The following PCCA variants were observed in gnomAD, a reference collection of about 807,000 sequenced individuals.
PCCA encodes the protein propionyl-CoA carboxylase subunit alpha, also known as propionyl-CoA carboxylase alpha chain, mitochondrial.
In PCCA, 74 loss-of-function variants were observed where a neutral mutation model predicts 101.3. The observed-to-expected ratio is 0.73, with a 90% CI of 0.61 to 0.89. The LOEUF (loss-of-function observed/expected upper bound fraction) is 0.89, where lower values mean the gene tolerates loss of function less well. Ranked by LOEUF, PCCA falls within the 40% of genes least tolerant of loss-of-function variation. PCCA has a pLI of 0.00. For synonymous variants in PCCA, 294 were observed against 313.6 expected, an observed-to-expected ratio of 0.94 and a Z score of 0.66; for missense variants, 891 against 907.0, an observed-to-expected ratio of 0.98 and a Z score of 0.23.
chr13:100,505,662 C>T (rs570279662), intron 21 of PCCA, among the ~76,000 whole-genome samples: 1 of 152,300 alleles, frequency 6.6e-6, no homozygotes, highest in African/African-American at 2.4e-5. Context: ...CCCAGGAGTT[C>T]AAGACCAGCC....
intron 18 of PCCA, among the ~76,000 whole-genome samples, chr13:100,368,205 A>G (rs1567016145): frequency 6.6e-6 from 1 of 151,466 alleles, no homozygotes; most frequent in Admixed American, 6.6e-5. Flanking sequence ...TTTCATTGTA[A>G]TTTTTTTTTA....
At chr13:100,328,515 TAC>T (rs1478122257) in intron 16 of PCCA, among the ~76,000 whole-genome samples, 1 of 151,146 alleles carries the variant, frequency 6.6e-6, no homozygotes, top group African/African-American at 2.4e-5. Flanking sequence ...TTTGATGAAG[TAC>T]AGTTTGTCAA....
rs548985450 is a variant in PCCA, at chr13:100,239,310, C to T, written c.637+3432C>T. On this transcript the variant is annotated intron_variant, in intron 8 of 23. Coordinates refer to ENST00000376285, the MANE Select transcript of PCCA (RefSeq NM_000282.4). ...GGTTTAAATTTAGGTTTATTTGACT[C>T]CAAAGACCACAGACTTTTTATTATA... Among the ~76,000 whole-genome samples, 7 of 152,056 alleles carry T rather than the reference C, an allele frequency of 4.6e-5. No homozygotes were observed. In the South Asian group the frequency reaches 1.0e-3, roughly 23 times the overall value.
Position 100,195,914 on chromosome 13 carries a change from C to A in PCCA, c.469-13418C>A, listed in dbSNP as rs182881531. On this transcript the variant is annotated intron_variant, in intron 6 of 23. Coordinates refer to ENST00000376285, the MANE Select transcript of PCCA (RefSeq NM_000282.4). The stretch of plus-strand genomic sequence containing the variant: ...TGAGGCTTACCCACCCAGGCTCTTT[C>A]TTCTTTACAATCAATGAGACTCTGG... 1.4e-4 allele frequency among the ~76,000 whole-genome samples: 21 copies of A among 152,220 alleles called. No homozygotes were observed. In the East Asian group the frequency reaches 3.5e-3, roughly 25 times the overall value.
intron 1 of PCCA, among the ~76,000 whole-genome samples, chr13:100,096,023 T>C (rs2152222819): frequency 6.6e-6 from 1 of 152,286 alleles, no homozygotes; most frequent in South Asian, 2.1e-4. Context: ...GCACTGGAGT[T>C]GCTGAGAACT....
chr13:100,318,773 A>G (rs959146363), intron 16 of PCCA, among the ~76,000 whole-genome samples: 19 of 152,112 alleles, frequency 1.2e-4, no homozygotes, highest in Non-Finnish European at 2.1e-4. Flanking sequence ...GCTATTGTGA[A>G]TAGTGCTGCA....
chr13:100,408,155 C>T (rs2077803217), intron 19 of PCCA, among the ~76,000 whole-genome samples: 1 of 152,142 alleles, frequency 6.6e-6, no homozygotes, highest in East Asian at 1.9e-4. Flanking sequence ...CCGTCTTAAA[C>T]AAACAAACAA....
In PCCA at chr13:100,240,440, T is replaced by G. The variant is rs557294792; in HGVS notation, c.637+4562T>G. ...GACCTAGCAGACTCTTGCTGATATCTTCACAAAAATAGCTCCTTGCAGTCT... is the reference window on the plus strand; with the variant it reads ...GACCTAGCAGACTCTTGCTGATATCGTCACAAAAATAGCTCCTTGCAGTCT... On this transcript the variant is annotated intron_variant, in intron 8 of 23. Transcript: ENST00000376285. Among the ~76,000 whole-genome samples, 36 of 152,136 alleles carry G rather than the reference T, an allele frequency of 2.4e-4. No individual in the cohort carries two copies. In the South Asian group the frequency reaches 7.3e-3, roughly 31 times the overall value.
At chr13:100,389,838 G>A (rs763770301) in intron 19 of PCCA, among the ~76,000 whole-genome samples, 10 of 152,002 alleles carry the variant, frequency 6.6e-5, no homozygotes, top group African/African-American at 1.5e-4. Context: ...CCATGTGAAA[G>A]TGCCAGCCCT....
chr13:100,130,981 A>G (rs769068717), intron 4 of PCCA, among the ~76,000 whole-genome samples: 2 of 152,228 alleles, frequency 1.3e-5, no homozygotes, highest in East Asian at 1.9e-4. Flanking sequence ...TAAAGTATAC[A>G]TAACATAAAA....
chr13:100,385,933 G>A (rs2076476182), intron 19 of PCCA, among the ~76,000 whole-genome samples: 2 of 152,176 alleles, frequency 1.3e-5, no homozygotes, highest in African/African-American at 2.4e-5. Flanking sequence ...TTGTAGAAAC[G>A]TAAGCTCTCA....
chr13:100,346,767 C>G (rs576336332), intron 18 of PCCA, among the ~76,000 whole-genome samples: 1 of 152,316 alleles, frequency 6.6e-6, no homozygotes, highest in Admixed American at 6.5e-5. Context: ...GCCGCAGCCT[C>G]CCCAGCCTTC....
chr13:100,440,810 G>A (rs1160547543), intron 20 of PCCA, among the ~76,000 whole-genome samples: 1 of 152,004 alleles, frequency 6.6e-6, no homozygotes, highest in African/African-American at 2.4e-5. Flanking sequence ...AGTAGAGGTT[G>A]GTATTTTTCG....
At chr13:100,429,187 C>G (rs2079371450) in intron 20 of PCCA, among the ~76,000 whole-genome samples, 2 of 152,070 alleles carry the variant, frequency 1.3e-5, no homozygotes, top group African/African-American at 4.8e-5. Flanking sequence ...CTTCTGACCA[C>G]TGTTAGCATG....
chr13:100,199,427 T>A (rs182058979), intron 6 of PCCA, among the ~76,000 whole-genome samples: 1 of 152,346 alleles, frequency 6.6e-6, no homozygotes, highest in East Asian at 1.9e-4. Context: ...CTTTTCTTCA[T>A]GACTTATCTG....
intron 4 of PCCA, among the ~76,000 whole-genome samples, chr13:100,139,636 G>C (rs917144881): frequency 6.6e-6 from 1 of 151,936 alleles, no homozygotes; most frequent in African/African-American, 2.4e-5. Flanking sequence ...TTTGTTTCAA[G>C]AGTGTTCATA....
rs774949844 is a variant in PCCA, at chr13:100,527,696, T to C, written c.2062T>C (p.Cys688Arg). The change falls in exon 23 of 24, where the codon TGT (cysteine) becomes CGT (arginine). Residue 688 changes from cysteine (C) to arginine (R), a missense_variant. Physicochemically the swap from Cys to Arg is radical, Grantham distance 180. Transcript: ENST00000376285. ...GDAVAEGQEI[C>R]VIEAMKMQNS... ...CCAGGTAGCAGAAGGTCAAGAAATT[T>C]GTGTGATTGAAGCCATGAAAATGCA... is the stretch of plus-strand genomic sequence containing the variant. 8 of 1,613,876 alleles carry C rather than the reference T, an allele frequency of 5.0e-6. No homozygotes were observed. The highest frequency in any genetic ancestry group is 1.7e-5 in the Admixed American group (1 of 60,004).
intron 4 of PCCA, among the ~76,000 whole-genome samples, chr13:100,145,745 C>T (rs985507636): frequency 6.6e-6 from 1 of 151,418 alleles, no homozygotes; most frequent in Non-Finnish European, 1.5e-5. Flanking sequence ...ACCTGTAGTC[C>T]CTGCGACTCA....
chr13:100,479,191 G>C (rs2083677114), intron 21 of PCCA, among the ~76,000 whole-genome samples: 1 of 152,276 alleles, frequency 6.6e-6, no homozygotes, highest in East Asian at 1.9e-4. Context: ...AACTCCTGCT[G>C]GTTACTCAAA....
Sources: gnomAD v4.1 joint callset for allele counts (sites outside exome capture counted in the v4.1 genomes callset) on GRCh38, gnomAD v4.1.1 for gene constraint, MANE v1.5 for transcripts, NCBI Gene and HGNC (gene_info 2026-07-23, HGNC 2026-07-21) for gene names.